Variants in RSRC1 observed in about 807,000 individuals in gnomAD.
RSRC1 encodes arginine and serine rich coiled-coil 1, also known as serine/Arginine-related protein 53.
RSRC1 carries 39 observed loss-of-function variants against 49.1 expected under a neutral mutation model. That is an observed-to-expected ratio of 0.79 (90% CI 0.61 to 1.04). RSRC1 has a LOEUF of 1.04. Among genes scored for constraint, RSRC1 ranks in the 50% least tolerant of loss-of-function variants. The pLI is 0.00. For missense variants in RSRC1, 388 were observed against 402.4 expected (o/e 0.96, Z 0.31); for synonymous variants, 143 against 130.8 (o/e 1.09, Z -0.63).
intron 4 of RSRC1, among the ~76,000 whole-genome samples, chr3:158,293,439 T>C (rs1254057257): frequency 6.6e-6 from 1 of 152,114 alleles, no homozygotes; most frequent in Non-Finnish European, 1.5e-5. Context: ...GAAACCCTTC[T>C]GAATCATTTT....
At chr3:158,217,519 A>G (rs1722010704) in intron 4 of RSRC1, among the ~76,000 whole-genome samples, 1 of 151,636 alleles carries the variant, frequency 6.6e-6, no homozygotes, top group Admixed American at 6.6e-5. Flanking sequence ...ATAATTCTAA[A>G]TTATGATGTT....
At chr3:158,447,313 A>G (rs1736775323) in intron 6 of RSRC1, among the ~76,000 whole-genome samples, 1 of 152,060 alleles carries the variant, frequency 6.6e-6, no homozygotes, top group Non-Finnish European at 1.5e-5. Flanking sequence ...AATATTGAGC[A>G]TTTCATATTC....
intron 3 of RSRC1, among the ~76,000 whole-genome samples, chr3:158,171,383 G>A (rs1375005548): frequency 6.6e-6 from 1 of 152,096 alleles, no homozygotes; most frequent in East Asian, 1.9e-4. Flanking sequence ...ATATTTAAGG[G>A]AAAAGACAAT....
At chr3:158,255,903 A>G (rs1724520441) in intron 4 of RSRC1, among the ~76,000 whole-genome samples, 2 of 152,064 alleles carry the variant, frequency 1.3e-5, no homozygotes, top group Non-Finnish European at 2.9e-5. Context: ...ATTTTTGCAA[A>G]TTGATTTTGT....
At chr3:158,358,953 A>ACACACACACAC (rs1430134198) in intron 6 of RSRC1, among the ~76,000 whole-genome samples, 5 of 144,226 alleles carry the variant, frequency 3.5e-5, no homozygotes, top group Non-Finnish European at 6.0e-5. Flanking sequence ...CACACACACA[A>ACACACACACAC]CTTATTAATC....
intron 6 of RSRC1, among the ~76,000 whole-genome samples, chr3:158,431,928 CA>C (rs937711445): frequency 6.6e-6 from 1 of 151,904 alleles, no homozygotes; most frequent in Non-Finnish European, 1.5e-5. Context: ...ATTTTAAAGT[CA>C]AAAGGGGCAT....
chr3:158,527,863 A>G (rs1712140316), intron 7 of RSRC1, among the ~76,000 whole-genome samples: 1 of 151,978 alleles, frequency 6.6e-6, no homozygotes, highest in Non-Finnish European at 1.5e-5. Flanking sequence ...TATAACTTCT[A>G]TACAATAATG....
At chr3:158,419,070 CTTTAGTCACATTGAGTGTTA>C (rs1166533067) in intron 6 of RSRC1, among the ~76,000 whole-genome samples, 5 of 151,950 alleles carry the variant, frequency 3.3e-5, no homozygotes, top group African/African-American at 1.2e-4. Flanking sequence ...ATGGAATTAG[CTTTAGTCACATTGAGTGTTA>C]TTTAGTCACA....
At chr3:158,289,458 T>C (rs900959854) in intron 4 of RSRC1, among the ~76,000 whole-genome samples, 1 of 152,320 alleles carries the variant, frequency 6.6e-6, no homozygotes, top group Non-Finnish European at 1.5e-5. Flanking sequence ...TAAAGGATCT[T>C]AAAAAGATAA....
At chr3:158,514,569 G>C (rs1421789655) in intron 7 of RSRC1, among the ~76,000 whole-genome samples, 1 of 152,026 alleles carries the variant, frequency 6.6e-6, no homozygotes, top group African/African-American at 2.4e-5. Flanking sequence ...GGTGTGGTGT[G>C]GTGCTGAAAA....
chr3:158,479,988 C>T (rs1361146702), intron 7 of RSRC1, among the ~76,000 whole-genome samples: 1 of 151,928 alleles, frequency 6.6e-6, no homozygotes, highest in Admixed American at 6.6e-5. Context: ...CAAGAGTAAC[C>T]ATTTAGCACA....
chr3:158,445,032 A>G (rs1012515462), intron 6 of RSRC1, among the ~76,000 whole-genome samples: 10 of 152,174 alleles, frequency 6.6e-5, no homozygotes, highest in African/African-American at 2.2e-4. Context: ...GTGGAGAAAT[A>G]GGAACACTTT....
intron 4 of RSRC1, among the ~76,000 whole-genome samples, chr3:158,218,917 T>G (rs1722092752): frequency 1.3e-5 from 2 of 151,678 alleles, no homozygotes; most frequent in Admixed American, 6.6e-5. Context: ...AGACACGGTC[T>G]TTGATCTCAA....
At chr3:158,194,054 T>TACACACACACACACACACACAC (rs10530687) in intron 3 of RSRC1, among the ~76,000 whole-genome samples, 4 of 144,076 alleles carry the variant, frequency 2.8e-5, no homozygotes, top group African/African-American at 1.0e-4. Flanking sequence ...ACCCCGTCTA[T>TACACACACACACACACACACAC]ACACACACAC....
chr3:158,458,385 GCAAAAA>G (rs1737451325), intron 6 of RSRC1, among the ~76,000 whole-genome samples: 1 of 151,688 alleles, frequency 6.6e-6, no homozygotes, highest in African/African-American at 2.4e-5. Flanking sequence ...TATTTTAATG[GCAAAAA>G]CCATTAAAAT....
At chr3:158,187,314 G>C (rs1719988349) in intron 3 of RSRC1, among the ~76,000 whole-genome samples, 1 of 151,946 alleles carries the variant, frequency 6.6e-6, no homozygotes, top group South Asian at 2.1e-4. Context: ...ATAGGGGAAA[G>C]TGTTATGCCC....
chr3:158,502,608 C>T lies in RSRC1; in HGVS notation c.653-34484C>T, dbSNP rs1331405272. Among the ~76,000 whole-genome samples the T allele has an allele frequency of 7.2e-5, 11 of 151,960 alleles. No homozygotes were observed. In the East Asian group the frequency reaches 1.7e-3, roughly 24 times the overall value. ...TGTTGTATTGGGTTAATTTAAAGAC[C>T]TTGTCTTTGAGCTCTGAATTTCTTT... On this transcript the variant is annotated intron_variant, in intron 7 of 9. Coordinates refer to ENST00000611884, the MANE Select transcript of RSRC1 (RefSeq NM_001271838.2).
intron 7 of RSRC1, among the ~76,000 whole-genome samples, chr3:158,490,448 C>T (rs559564587): frequency 1.3e-5 from 2 of 152,204 alleles, no homozygotes; most frequent in East Asian, 3.9e-4. Flanking sequence ...TTAAATTATC[C>T]TGTGTATTTA....
chr3:158,229,173 T>TACATACGTGTATATATGTATATAAAC (rs1559952319), intron 4 of RSRC1, among the ~76,000 whole-genome samples: 1 of 101,400 alleles, frequency 9.9e-6, no homozygotes, highest in African/African-American at 3.9e-5. Flanking sequence ...TATATAAACA[T>TACATACGTGTATATATGTATATAAAC]ATGTGTATGT....
Sources: gnomAD v4.1 joint callset for allele counts (sites outside exome capture counted in the v4.1 genomes callset) on GRCh38, gnomAD v4.1.1 for gene constraint, MANE v1.5 for transcripts, NCBI Gene and HGNC (gene_info 2026-07-23, HGNC 2026-07-21) for gene names.